The following AGBL1 variants were observed in gnomAD, a reference collection of about 807,000 sequenced individuals.
AGBL1 encodes cytosolic carboxypeptidase 4.
In AGBL1, 130 loss-of-function variants were observed where a neutral mutation model predicts 118.9. The observed-to-expected ratio is 1.09, with a 90% confidence interval of 0.95 to 1.26. The LOEUF (loss-of-function observed/expected upper bound fraction) is 1.26. AGBL1 is among the 50% of genes most tolerant of loss of function. The pLI is 0.00. For missense variants in AGBL1, 1,584 were observed against 1,298.1 expected (o/e 1.22, Z -3.38); for synonymous variants, 555 against 478.9 (o/e 1.16, Z -2.08).
intron 22 of AGBL1, among the ~76,000 whole-genome samples, chr15:86,766,704 T>C (rs184354971): frequency 1.0e-3 from 153 of 152,130 alleles, no homozygotes; most frequent in African/African-American, 3.5e-3. Flanking sequence ...ATTATGGTTA[T>C]GTACTAGAGA....
Position 86,187,111 on chromosome 15 carries a change from C to T in AGBL1, c.488+28085C>T, listed in dbSNP as rs138575142. Among the ~76,000 whole-genome samples the T allele has an allele frequency of 3.3e-5, 5 of 152,290 alleles. No homozygotes were observed. The East Asian group carries it at 9.7e-4, about 29-fold the overall frequency. ...AAACATCCAAACTATGCTGCAAACG[C>T]ACACATTGGAATGAAAACCAACACA... On this transcript the variant is annotated intron_variant, in intron 5 of 22. Coordinates refer to ENST00000614907, the MANE Select transcript of AGBL1 (RefSeq NM_001386094.1).
intron 15 of AGBL1, among the ~76,000 whole-genome samples, chr15:86,276,850 G>C (rs539131014): frequency 1.3e-5 from 2 of 152,202 alleles, no homozygotes; most frequent in African/African-American, 4.8e-5. Flanking sequence ...CTTGTTGATG[G>C]GATCTCAGTT....
chr15:86,294,932 A>G (rs1328969630), intron 16 of AGBL1, among the ~76,000 whole-genome samples: 1 of 151,812 alleles, frequency 6.6e-6, no homozygotes, highest in Admixed American at 6.6e-5. Flanking sequence ...CCGAGTCTCC[A>G]TTTTCTGTGA....
chr15:86,620,599 C>T (rs2084789582), intron 21 of AGBL1, among the ~76,000 whole-genome samples: 1 of 152,068 alleles, frequency 6.6e-6, no homozygotes, highest in Admixed American at 6.5e-5. Flanking sequence ...TTAATCTGTC[C>T]CCAGAAATCA....
intron 22 of AGBL1, among the ~76,000 whole-genome samples, chr15:86,687,563 T>G (rs2086082234): frequency 6.6e-6 from 1 of 152,120 alleles, no homozygotes; most frequent in Admixed American, 6.6e-5. Context: ...TGTAATATTT[T>G]AATATAGTCA....
chr15:86,608,798 T>C (rs572573235), intron 21 of AGBL1, among the ~76,000 whole-genome samples: 12 of 152,272 alleles, frequency 7.9e-5, no homozygotes, highest in African/African-American at 1.9e-4. Context: ...AAATCTGAAT[T>C]TAATGTAAAA....
chr15:86,941,227 A>T (rs2080747713), intron 23 of AGBL1, among the ~76,000 whole-genome samples: 1 of 152,096 alleles, frequency 6.6e-6, no homozygotes, highest in Non-Finnish European at 1.5e-5. Flanking sequence ...ATATTCTGAG[A>T]CTCTTTTCCT....
At chr15:86,732,623 T>C (rs1421228288) in intron 22 of AGBL1, among the ~76,000 whole-genome samples, 1 of 152,180 alleles carries the variant, frequency 6.6e-6, no homozygotes, top group African/African-American at 2.4e-5. Flanking sequence ...AACAAGGAGT[T>C]CACTTTTCCT....
At chr15:86,796,409 T>C (rs180711561) in intron 22 of AGBL1, among the ~76,000 whole-genome samples, 1 of 152,328 alleles carries the variant, frequency 6.6e-6, no homozygotes, top group South Asian at 2.1e-4. Context: ...AATCTATTCT[T>C]TGGCATCAAG....
intron 24 of AGBL1, among the ~76,000 whole-genome samples, chr15:87,005,114 C>T (rs1319605519): frequency 6.6e-6 from 1 of 152,154 alleles, no homozygotes; most frequent in African/African-American, 2.4e-5. Context: ...TCTCTGGCTG[C>T]CCTTAACATT....
At chr15:86,777,516 A>G (rs1223964723) in intron 22 of AGBL1, among the ~76,000 whole-genome samples, 1 of 152,052 alleles carries the variant, frequency 6.6e-6, no homozygotes, top group Non-Finnish European at 1.5e-5. Context: ...AAGTTCATGA[A>G]AGATCTTTTT....
intron 22 of AGBL1, among the ~76,000 whole-genome samples, chr15:86,806,092 G>C (rs868346593): frequency 2.0e-5 from 3 of 152,134 alleles, no homozygotes; most frequent in Non-Finnish European, 2.9e-5. Context: ...TTGGAGACTG[G>C]AAGGAAGGAA....
chr15:86,653,994 G>T (rs1016970992), intron 21 of AGBL1, among the ~76,000 whole-genome samples: 2 of 152,118 alleles, frequency 1.3e-5, no homozygotes, highest in African/African-American at 2.4e-5. Flanking sequence ...TAAAAAGCTT[G>T]CCCCAAAGCA....
intron 22 of AGBL1, among the ~76,000 whole-genome samples, chr15:86,899,085 A>T (rs780180443): frequency 6.6e-5 from 10 of 152,352 alleles, no homozygotes; most frequent in Non-Finnish European, 1.3e-4. Context: ...AGACACATGC[A>T]CACGAATGTT....
intron 23 of AGBL1, among the ~76,000 whole-genome samples, chr15:86,984,895 A>C (rs1403871474): frequency 6.6e-6 from 1 of 151,926 alleles, no homozygotes; most frequent in Non-Finnish European, 1.5e-5. Context: ...CCCTGCCTCC[A>C]CTCCTGGCTG....
At chr15:86,276,133 A>G (rs1371810546) in intron 15 of AGBL1, among the ~76,000 whole-genome samples, 2 of 152,174 alleles carry the variant, frequency 1.3e-5, no homozygotes, top group Non-Finnish European at 2.9e-5. Flanking sequence ...GGATCATTTT[A>G]TTAGCTCTCA....
At chr15:86,757,706 C>T (rs2077961741) in intron 22 of AGBL1, among the ~76,000 whole-genome samples, 1 of 152,032 alleles carries the variant, frequency 6.6e-6, no homozygotes, top group Admixed American at 6.6e-5. Flanking sequence ...TGGCCACGTT[C>T]TTTTAGTTCC....
At chr15:86,397,658 C>A in intron 18 of AGBL1, 112 bp downstream of exon 18, 2 of 1,011,490 alleles carry the variant, frequency 2.0e-6, no homozygotes, top group Non-Finnish European at 2.9e-6. Flanking sequence ...CGAGAATAAA[C>A]TCTTGGTTTT....
At chr15:86,690,556 T>A (rs1216041461) in intron 22 of AGBL1, among the ~76,000 whole-genome samples, 2 of 152,054 alleles carry the variant, frequency 1.3e-5, no homozygotes, top group African/African-American at 2.4e-5. Context: ...ACTGCAGAGG[T>A]AGGTTTGAAA....
Sources: allele counts gnomAD v4.1 joint callset (sites outside exome capture counted in the v4.1 genomes callset), GRCh38; gene constraint gnomAD v4.1.1; transcripts MANE v1.5; gene names NCBI Gene and HGNC (gene_info 2026-07-23, HGNC 2026-07-21).